The following USP25 variants were observed in gnomAD, a reference collection of about 807,000 sequenced individuals.
USP25 encodes ubiquitin specific peptidase 25.
USP25 carries 85 observed loss-of-function variants against 158.5 expected under a neutral mutation model. The observed-to-expected ratio is 0.54, with a 90% CI of 0.45 to 0.64. The LOEUF (loss-of-function observed/expected upper bound fraction) is 0.64. USP25 is among the 30% of genes least tolerant of loss of function. USP25 has a pLI of 0.00. For missense variants in USP25, 1,242 were observed against 1,327.3 expected, an observed-to-expected ratio of 0.94 and a Z score of 1.00; for synonymous variants, 464 against 460.4, an observed-to-expected ratio of 1.01 and a Z score of -0.10.
chr21:15,748,143 C>A (rs2032707252), intron 1 of USP25, among the ~76,000 whole-genome samples: 1 of 152,100 alleles, frequency 6.6e-6, no homozygotes, highest in Non-Finnish European at 1.5e-5. Context: ...GAATTTTTCC[C>A]CTCTGGAGAA....
intron 22 of USP25, among the ~76,000 whole-genome samples, chr21:15,868,544 A>G (rs1237581818): frequency 6.6e-6 from 1 of 152,152 alleles, no homozygotes; most frequent in African/African-American, 2.4e-5. Context: ...TAAATCATAC[A>G]AGTATTTAAA....
intron 6 of USP25, 76 bp from the exon 7 acceptor site, chr21:15,805,045 A>C: frequency 7.0e-7 from 1 of 1,428,522 alleles, no homozygotes; most frequent in South Asian, 1.5e-5. Flanking sequence ...GTTACTGTTA[A>C]AATGAATATT....
chr21:15,734,161 A>G (rs1341055952), intron 1 of USP25, among the ~76,000 whole-genome samples: 2 of 152,236 alleles, frequency 1.3e-5, no homozygotes, highest in Admixed American at 1.3e-4. Flanking sequence ...TAACAGATCT[A>G]CAGTCAACTT....
At chr21:15,730,550 C>G in intron 1 of USP25, 112 bp downstream of exon 1, 1 of 1,172,904 alleles carries the variant, frequency 8.5e-7, no homozygotes, top group Non-Finnish European at 1.1e-6. Context: ...GGGCTTCCTC[C>G]CCGGTCACCC....
intron 3 of USP25, among the ~76,000 whole-genome samples, chr21:15,768,377 CAG>C (rs760837073): frequency 8.6e-5 from 13 of 152,012 alleles, no homozygotes; most frequent in Non-Finnish European, 1.5e-4. Flanking sequence ...GTTGGCGTAA[CAG>C]TAATACTTTT....
intron 1 of USP25, among the ~76,000 whole-genome samples, chr21:15,737,409 C>T (rs1165788834): frequency 6.6e-6 from 1 of 152,040 alleles, no homozygotes; most frequent in Non-Finnish European, 1.5e-5. Context: ...TGTTAAATTG[C>T]TTATTTTAAA....
intron 20 of USP25, among the ~76,000 whole-genome samples, chr21:15,854,532 A>G (rs1459627515): frequency 6.6e-6 from 1 of 152,118 alleles, no homozygotes; most frequent in Non-Finnish European, 1.5e-5. Flanking sequence ...CTTTTTGGCT[A>G]TGAAAGAAAG....
chr21:15,750,852 T>TGCCTCCGCCTCC (rs71887418), intron 1 of USP25, among the ~76,000 whole-genome samples: 1 of 151,308 alleles, frequency 6.6e-6, no homozygotes, highest in Non-Finnish European at 1.5e-5. Context: ...GTGATCCGTC[T>TGCCTCCGCCTCC]GCCTCCGCCT....
chr21:15,802,700 A>T (rs2146260825), intron 6 of USP25, among the ~76,000 whole-genome samples: 1 of 151,864 alleles, frequency 6.6e-6, no homozygotes, highest in East Asian at 1.9e-4. Flanking sequence ...ATCTTATTAG[A>T]AAAGAAGAAT....
rs781320884 is a variant in USP25, at chr21:15,842,424, C to T, written c.2221C>T (p.Leu741=). ...ACAAGCAGCAGGAGACCCAGAATATCTAGAGCAGCCATCAAGAAGTGATTT... is the reference window on the plus strand; with the variant it reads ...ACAAGCAGCAGGAGACCCAGAATATTTAGAGCAGCCATCAAGAAGTGATTT... ...TAQAAGDPEY[L]EQPSRSDFSK... Residue 741 remains leucine, a synonymous_variant, in exon 18 of 26, where the codon CTA becomes TTA. Transcript: ENST00000400183. 6.2e-7 allele frequency: 1 copy of T among 1,613,574 alleles called. No individual in the cohort carries two copies. Among genetic ancestry groups the T allele is most frequent in the Non-Finnish European group, 8.5e-7 (1 of 1,179,722 alleles).
intron 20 of USP25, among the ~76,000 whole-genome samples, chr21:15,864,031 C>CTT (rs369749565): frequency 1.6e-4 from 14 of 85,626 alleles, no homozygotes; most frequent in South Asian, 4.2e-4. Flanking sequence ...TGGGAGACTT[C>CTT]TTTTTTTTTT....
chr21:15,807,863 G>A (rs757688058), intron 7 of USP25, among the ~76,000 whole-genome samples: 8 of 152,104 alleles, frequency 5.3e-5, no homozygotes, highest in South Asian at 2.1e-4. Flanking sequence ...TATTCAACCC[G>A]CCACAGATGT....
intron 4 of USP25, among the ~76,000 whole-genome samples, chr21:15,787,236 G>A (rs944676050): frequency 6.6e-6 from 1 of 152,076 alleles, no homozygotes; most frequent in Non-Finnish European, 1.5e-5. Flanking sequence ...ACCCTTCAGA[G>A]AATTAGAAAA....
chr21:15,807,463 A>C (rs1364528310), intron 7 of USP25, among the ~76,000 whole-genome samples: 4 of 152,224 alleles, frequency 2.6e-5, no homozygotes, highest in Non-Finnish European at 5.9e-5. Flanking sequence ...AATTACAACA[A>C]ATGGAGTGGT....
intron 17 of USP25, among the ~76,000 whole-genome samples, chr21:15,837,015 G>T (rs1414201981): frequency 1.4e-5 from 1 of 68,974 alleles, no homozygotes; most frequent in Non-Finnish European, 2.9e-5. Flanking sequence ...GGATCAGAGT[G>T]AGTAGGGGAG....
chr21:15,854,436 G>A lies in USP25; in HGVS notation c.2547+4564G>A, dbSNP rs192233900. 4.2e-3 allele frequency among the ~76,000 whole-genome samples: 635 copies of A among 152,054 alleles called. 3 individuals are homozygous for A. The highest frequency in any genetic ancestry group is 5.6e-3 in the Non-Finnish European group (384 of 67,970). On this transcript the variant is annotated intron_variant, in intron 20 of 25. Transcript: ENST00000400183. ...TGGGATTACAGATGTGAGCCACCACGCCCGGCCGTGTTTTTGTTTTTTTTT... is the reference window on the plus strand; with the variant it reads ...TGGGATTACAGATGTGAGCCACCACACCCGGCCGTGTTTTTGTTTTTTTTT...
At chr21:15,739,401 A>T (rs2031829078) in intron 1 of USP25, among the ~76,000 whole-genome samples, 1 of 151,964 alleles carries the variant, frequency 6.6e-6, no homozygotes, top group African/African-American at 2.4e-5. Flanking sequence ...GCTTGCAGGT[A>T]TTTTTTCTTT....
At chr21:15,789,127 G>A (rs1450364550) in intron 4 of USP25, among the ~76,000 whole-genome samples, 1 of 151,982 alleles carries the variant, frequency 6.6e-6, no homozygotes, top group African/African-American at 2.4e-5. Flanking sequence ...GGAGAGAGAA[G>A]GCAAAGGAAC....
chr21:15,863,482 A>G lies in USP25; in HGVS notation c.2548-786A>G, dbSNP rs189718903. On this transcript the variant is annotated intron_variant, in intron 20 of 25. Transcript: ENST00000400183. ...AAAAGTTAATTGCAATAATACGACT[A>G]TGCATTTAAGAACAATTTTCTTTCA... Among the ~76,000 whole-genome samples, 14 of 152,302 alleles carry G rather than the reference A, an allele frequency of 9.2e-5. No homozygotes were observed. In the East Asian group the frequency reaches 2.5e-3, roughly 27 times the overall value.
Sources: allele counts gnomAD v4.1 joint callset (sites outside exome capture counted in the v4.1 genomes callset), GRCh38; gene constraint gnomAD v4.1.1; transcripts MANE v1.5; gene names NCBI Gene and HGNC (gene_info 2026-07-23, HGNC 2026-07-21).